The following ETV6 variants were observed in gnomAD, a reference collection of about 807,000 sequenced individuals.
The protein encoded by ETV6 is transcription factor ETV6.
A neutral mutation model predicts 51.1 loss-of-function variants in ETV6; 16 were observed. The ratio of observed to expected loss-of-function variants is 0.31; its 90% CI spans 0.21 to 0.48. The LOEUF (loss-of-function observed/expected upper bound fraction) is 0.48, where lower values mean the gene tolerates loss of function less well. ETV6 is among the 20% of genes least tolerant of loss of function. The pLI, the probability that ETV6 is intolerant of heterozygous loss-of-function variation, is 0.99. For synonymous variants in ETV6, 240 were observed against 224.1 expected (o/e 1.07, Z -0.64); for missense variants, 458 against 594.8 (o/e 0.77, Z 2.39).
At chr12:11,788,670 G>A (rs1443307815) in intron 2 of ETV6, among the ~76,000 whole-genome samples, 1 of 150,936 alleles carries the variant, frequency 6.6e-6, no homozygotes, top group Admixed American at 6.6e-5. Context: ...TTGATTTCCT[G>A]CTCACCAGGG....
intron 1 of ETV6, among the ~76,000 whole-genome samples, chr12:11,675,218 T>C (rs1031741600): frequency 1.3e-5 from 2 of 152,210 alleles, no homozygotes; most frequent in African/African-American, 4.8e-5. Flanking sequence ...TGTTTTTACA[T>C]TGATCTCAGA....
chr12:11,724,062 T>C (rs1032732078), intron 1 of ETV6, among the ~76,000 whole-genome samples: 6 of 151,992 alleles, frequency 3.9e-5, no homozygotes, highest in South Asian at 2.1e-4. Flanking sequence ...GTGTGTCAGC[T>C]CTCCTAACTC....
chr12:11,758,056 C>T (rs11615083), intron 2 of ETV6, among the ~76,000 whole-genome samples: 83,468 of 152,040 alleles, frequency 0.55, 24,254 homozygotes, highest in Admixed American at 0.7. Flanking sequence ...CCCAATTCCC[C>T]AGCATTTTGC....
At position 11,891,413 on chromosome 12, in the gene ETV6, T is replaced by C. The variant is rs1441725586; in HGVS notation, c.*367T>C. On this transcript the variant is annotated 3_prime_UTR_variant, in exon 8 of 8. Transcript: ENST00000396373. ...GCAGTTTGACTCTTCATCGTTCATC[T>C]AGGGGAAGACATCTGATGTTGTTTT... 1 of 351,104 alleles carries C rather than the reference T, an allele frequency of 2.8e-6. No homozygotes were observed. Among genetic ancestry groups the C allele is most frequent in the African/African-American group, 2.1e-5 (1 of 47,724 alleles). The allele number at this position is 351,104 out of a possible 1,614,324, so 21.7% of individuals were successfully genotyped here.
At chr12:11,724,799 C>G (rs1436748041) in intron 1 of ETV6, among the ~76,000 whole-genome samples, 1 of 152,102 alleles carries the variant, frequency 6.6e-6, no homozygotes. Context: ...GCTGTGAGGT[C>G]CTTGCACGAG....
At chr12:11,666,035 C>A (rs1000085870) in intron 1 of ETV6, among the ~76,000 whole-genome samples, 1 of 152,050 alleles carries the variant, frequency 6.6e-6, no homozygotes. Flanking sequence ...GGAGAGAGAA[C>A]CAGTGGCTGT....
intron 1 of ETV6, among the ~76,000 whole-genome samples, chr12:11,699,392 A>G (rs954581450): frequency 6.6e-6 from 1 of 152,228 alleles, no homozygotes; most frequent in Non-Finnish European, 1.5e-5. Flanking sequence ...TTATTATTCC[A>G]TAAAACACGA....
chr12:11,859,977 C>T (rs1946691360), intron 4 of ETV6, among the ~76,000 whole-genome samples: 1 of 152,220 alleles, frequency 6.6e-6, no homozygotes, highest in Admixed American at 6.5e-5. Context: ...ATTCACCCTT[C>T]TAGATCATTA....
chr12:11,656,999 C>T (rs1290365551), intron 1 of ETV6, among the ~76,000 whole-genome samples: 4 of 152,094 alleles, frequency 2.6e-5, no homozygotes, highest in Admixed American at 1.3e-4. Context: ...ACTCCTGTCT[C>T]GATGGCTTGA....
At chr12:11,718,587 G>A (rs1346300818) in intron 1 of ETV6, among the ~76,000 whole-genome samples, 2 of 146,520 alleles carry the variant, frequency 1.4e-5, no homozygotes, top group African/African-American at 2.5e-5. Context: ...GCAACATGAC[G>A]AAACCCCATC....
At chr12:11,673,614 T>G (rs561533696) in intron 1 of ETV6, among the ~76,000 whole-genome samples, 1 of 152,142 alleles carries the variant, frequency 6.6e-6, no homozygotes, top group Non-Finnish European at 1.5e-5. Flanking sequence ...AATCATTCCT[T>G]CAGAAATCAA....
At chr12:11,720,013 G>A (rs767035844) in intron 1 of ETV6, among the ~76,000 whole-genome samples, 2 of 152,216 alleles carry the variant, frequency 1.3e-5, no homozygotes, top group African/African-American at 4.8e-5. Context: ...CCACCATGCA[G>A]GAAATGCCTG....
chr12:11,806,243 T>G (rs1407872821), intron 2 of ETV6, among the ~76,000 whole-genome samples: 1 of 152,180 alleles, frequency 6.6e-6, no homozygotes, highest in East Asian at 1.9e-4. Flanking sequence ...TGTAGCCCCC[T>G]AGGAGAAGAA....
intron 5 of ETV6, among the ~76,000 whole-genome samples, chr12:11,876,038 C>T (rs1404736308): frequency 6.6e-6 from 1 of 152,118 alleles, no homozygotes; most frequent in Non-Finnish European, 1.5e-5. Flanking sequence ...ATGTAGGATG[C>T]AGACTTAGAA....
chr12:11,763,236 TC>T (rs1372156973), intron 2 of ETV6, among the ~76,000 whole-genome samples: 2 of 152,202 alleles, frequency 1.3e-5, no homozygotes, highest in Non-Finnish European at 2.9e-5. Flanking sequence ...CCTCACAAAG[TC>T]CCCTCTCTGA....
At chr12:11,819,656 A>T (rs1204053037) in intron 2 of ETV6, among the ~76,000 whole-genome samples, 3 of 152,140 alleles carry the variant, frequency 2.0e-5, no homozygotes, top group Non-Finnish European at 4.4e-5. Flanking sequence ...AGGAATCAGG[A>T]GCTTGGATTT....
At position 11,752,016 on chromosome 12, in the gene ETV6, T is replaced by C. The variant is rs1046436892; in HGVS notation, c.34-434T>C. On this transcript the variant is annotated intron_variant, in intron 1 of 7. Coordinates refer to ENST00000396373, the MANE Select transcript of ETV6 (RefSeq NM_001987.5). Reference sequence around the variant, plus strand: ...AAGTGAATCTAGAATCATACTTTGATTAGAAGCTGGGGATATTGCTACAGA... The same window carrying C: ...AAGTGAATCTAGAATCATACTTTGACTAGAAGCTGGGGATATTGCTACAGA... Among the ~76,000 whole-genome samples the C allele has an allele frequency of 3.9e-5, 6 of 152,232 alleles. No homozygotes were observed. In the East Asian group the frequency reaches 1.2e-3, roughly 29 times the overall value.
At chr12:11,871,425 C>T (rs1011053376) in intron 5 of ETV6, among the ~76,000 whole-genome samples, 2 of 152,026 alleles carry the variant, frequency 1.3e-5, no homozygotes, top group African/African-American at 4.8e-5. Context: ...CTCCTGACCT[C>T]GCGATCCGCC....
chr12:11,791,651 C>T (rs889079012), intron 2 of ETV6, among the ~76,000 whole-genome samples: 1 of 152,160 alleles, frequency 6.6e-6, no homozygotes, highest in African/African-American at 2.4e-5. Flanking sequence ...GGATAGAACC[C>T]AGATAGTTAT....
Sources: gnomAD v4.1 joint callset for allele counts (sites outside exome capture counted in the v4.1 genomes callset) on GRCh38, gnomAD v4.1.1 for gene constraint, MANE v1.5 for transcripts, NCBI Gene and HGNC (gene_info 2026-07-23, HGNC 2026-07-21) for gene names.